RPL8: variants seen among roughly 807,000 people sequenced by gnomAD.
The protein encoded by RPL8 is large ribosomal subunit protein uL2.
For missense variants in RPL8, 248 were observed against 365.9 expected (o/e 0.68, Z 2.63); for synonymous variants, 182 against 143.2 (o/e 1.27, Z -1.94).
At chr8:144,791,562 C>T (rs982798013) in intron 2 of RPL8, 67 bp from the exon 3 acceptor site, 5 of 1,550,654 alleles carry the variant, frequency 3.2e-6, no homozygotes, top group African/African-American at 2.7e-5. Context: ...TCGCTCTAGG[C>T]AACCCGCGAA....
At chr8:144,790,287 G>A (rs1826455013) in intron 4 of RPL8, 68 bp downstream of exon 4, 23 of 1,326,266 alleles carry the variant, frequency 1.7e-5, no homozygotes, top group Non-Finnish European at 2.4e-5. Context: ...CTGTGGATGG[G>A]ACTTGCCTAC....
intron 2 of RPL8, 34 bp downstream of exon 2, chr8:144,791,739 C>CA: frequency 6.2e-7 from 1 of 1,612,334 alleles, no homozygotes; most frequent in Non-Finnish European, 8.5e-7. Flanking sequence ...GACCCCTCCC[C>CA]ACCCCGACCT....
chr8:144,792,196 G>A lies in RPL8; in HGVS notation c.-67C>T. ...GCGGCCCGGGTACCCCCGCCAGCCC[G>A]GCTTTCCGGGACCCCGCCCCCGAGG... On this transcript the variant is annotated 5_prime_UTR_variant, in exon 1 of 5. Coordinates refer to ENST00000528957, the MANE Select transcript of RPL8 (RefSeq NM_001317782.2). The A allele has an allele frequency of 7.1e-7, 1 of 1,416,668 alleles. No individual in the cohort carries two copies. The highest frequency in any genetic ancestry group is 9.1e-7 in the Non-Finnish European group (1 of 1,093,850). 87.8% of individuals were successfully genotyped at this position (1,416,668 alleles called of 1,614,324 possible).
chr8:144,790,261 C>A, intron 4 of RPL8, 94 bp downstream of exon 4: 1 of 1,055,548 alleles, frequency 9.5e-7, no homozygotes, highest in South Asian at 1.4e-5. Flanking sequence ...CGTAGATCCC[C>A]CTCCTGCAGG....
chr8:144,790,479 G>C lies in RPL8; in HGVS notation c.500-9C>G. 3 of 1,589,542 alleles carry C rather than the reference G, an allele frequency of 1.9e-6. No individual in the cohort carries two copies. The highest frequency in any genetic ancestry group is 1.1e-5 in the South Asian group (1 of 90,954). ...ACCTCCAGCCACCACACCTGTAGGG[G>C]ATCAGATACCTCAGGGAACCCCCAG... On this transcript the variant is annotated splice_polypyrimidine_tract_variant and intron_variant, in intron 3 of 4. Transcript: ENST00000528957.
chr8:144,791,541 T>A, intron 2 of RPL8, 46 bp from the exon 3 acceptor site: 1 of 1,590,550 alleles, frequency 6.3e-7, no homozygotes, highest in Middle Eastern at 1.7e-4. Context: ...TAAGAAACAA[T>A]GCGAACCCCC....
intron 3 of RPL8, 63 bp downstream of exon 3, chr8:144,791,214 C>G (rs1052925416): frequency 2.2e-5 from 34 of 1,511,628 alleles, no homozygotes; most frequent in Non-Finnish European, 3.0e-5. Context: ...CACTGGCTGT[C>G]CACCGGCACT....
chr8:144,790,160 G>A (rs1057305200), intron 4 of RPL8, among the ~76,000 whole-genome samples, 195 bp downstream of exon 4: 1 of 152,122 alleles, frequency 6.6e-6, no homozygotes, highest in Non-Finnish European at 1.5e-5. Flanking sequence ...GCGGAGAAAC[G>A]GTGAAGGAGG....
Position 144,792,182 on chromosome 8 carries a change from AC to A in RPL8, c.-54del, listed in dbSNP as rs1826559575. 2.8e-6 allele frequency: 4 copies of A among 1,406,456 alleles called. No individual in the cohort carries two copies. The highest frequency in any genetic ancestry group is 3.7e-6 in the Non-Finnish European group (4 of 1,087,758). 87.1% of individuals were successfully genotyped at this position (1,406,456 alleles called of 1,614,324 possible). A position where few individuals can be genotyped will look rare whatever the true frequency, so the allele number is the denominator to read the frequency against. The stretch of plus-strand genomic sequence containing the variant: ...ATTAGCGCGGCCGGGCGGCCCGGGT[AC>A]CCCCGCCAGCCCGGCTTTCCGGGAC... On this transcript the variant is annotated 5_prime_UTR_variant, in exon 1 of 5. The change abolishes the stop of an existing upstream ORF in the 5' untranslated region. Coordinates refer to ENST00000528957, the MANE Select transcript of RPL8 (RefSeq NM_001317782.2).
At position 144,791,441 on chromosome 8, in the gene RPL8, A is replaced by G. The variant is rs1826511359; in HGVS notation, c.335T>C (p.Ile112Thr). 1.2e-6 allele frequency: 2 copies of G among 1,613,898 alleles called. No homozygotes were observed. The highest frequency in any genetic ancestry group is 1.7e-5 in the Admixed American group (1 of 60,026). Residue 112 changes from isoleucine to threonine, a missense_variant, in exon 3 of 5, where the codon ATC (isoleucine) becomes ACC (threonine). By Grantham distance (89) the Ile-to-Thr change is moderately conservative (BLOSUM62 -1). Transcript: ENST00000528957. ...LPVGTMPEGT[I>T]VCCLEEKPGD... is the part of the protein sequence containing the mutation. ...AGGCTTCTCCTCCAGGCAGCACACG[A>G]TTGTACCCTCAGGCATGGTGCCCAC...
Position 144,789,817 on chromosome 8 carries a change from T to A in RPL8, c.761A>T (p.Glu254Val). 5 of 1,613,440 alleles carry A rather than the reference T, an allele frequency of 3.1e-6. No homozygotes were observed. Among genetic ancestry groups the A allele is most frequent in the Non-Finnish European group, 4.2e-6 (5 of 1,179,848 alleles). The part of the protein sequence containing the change: ...GRLRGTKTVQ[E>V]KEN ...AGGCCCTCAGCACTAGTTCTCTTTC[T>A]CCTGCACAGTCTTGGTTCCCCGGAG... The change falls in exon 5 of 5, where the codon GAG becomes GTG. Residue 254 changes from glutamate to valine, a missense_variant. By Grantham distance (121) the Glu-to-Val change is moderately radical (BLOSUM62 -2). Transcript: ENST00000528957.
chr8:144,790,990 A>G, intron 3 of RPL8: 1 of 504,912 alleles, frequency 2.0e-6, no homozygotes, highest in Non-Finnish European at 3.6e-6. Flanking sequence ...GCTGTTAACC[A>G]ACTGCATGCA....
At chr8:144,790,211 A>G (rs1826452144) in intron 4 of RPL8, 144 bp downstream of exon 4, 1 of 764,738 alleles carries the variant, frequency 1.3e-6, no homozygotes, top group Non-Finnish European at 2.2e-6. Context: ...CAGGATCAAC[A>G]GTCCCGTGAC....
rs754153553 is a variant in RPL8 at position 144,791,430 on chromosome 8, G to C, written c.346C>G (p.Leu116Val). 12 of 1,613,956 alleles carry C rather than the reference G, an allele frequency of 7.4e-6. No homozygotes were observed. In the Admixed American group the frequency reaches 2.0e-4, roughly 27 times the overall value. ...CCACGGTCTCCAGGCTTCTCCTCCA[G>C]GCAGCACACGATTGTACCCTCAGGC... is the stretch of plus-strand genomic sequence containing the variant. ...TMPEGTIVCCLEEKPGDRGKL... is the reference protein window; with the variant it reads ...TMPEGTIVCCVEEKPGDRGKL... The change falls in exon 3 of 5, where the codon CTG becomes GTG. Residue 116 changes from leucine to valine, a missense_variant. By Grantham distance (32) the Leu-to-Val change is conservative. Coordinates refer to ENST00000528957, the MANE Select transcript of RPL8 (RefSeq NM_001317782.2).
chr8:144,792,310 C>G lies in RPL8; in HGVS notation c.-181G>C, dbSNP rs180785306. 2 of 951,128 alleles carry G rather than the reference C, an allele frequency of 2.1e-6. No individual in the cohort carries two copies. Among genetic ancestry groups the G allele is most frequent in the Non-Finnish European group, 2.8e-6 (2 of 705,240 alleles). 58.9% of individuals were successfully genotyped at this position (951,128 alleles called of 1,614,324 possible). A position where few individuals can be genotyped will look rare whatever the true frequency, so the allele number is the denominator to read the frequency against. The stretch of plus-strand genomic sequence containing the variant: ...CCGGTCCGGGTCTCAGCGCGCCTCA[C>G]GGAAGAGGATGGCGGCGGATACTGC... On this transcript the variant is annotated 5_prime_UTR_variant, in exon 1 of 5. Transcript: ENST00000528957.
At chr8:144,790,268 C>T in intron 4 of RPL8, 87 bp downstream of exon 4, 1 of 1,119,602 alleles carries the variant, frequency 8.9e-7, no homozygotes, top group Non-Finnish European at 1.3e-6. Context: ...CCCCCTCCTG[C>T]AGGGACACCT....
In RPL8 at chr8:144,792,245, C is replaced by T. The variant is rs1327330473; in HGVS notation, c.-116G>A. The T allele has an allele frequency of 5.2e-6, 7 of 1,342,610 alleles. No homozygotes were observed. Among genetic ancestry groups the T allele is most frequent in the Admixed American group, 3.8e-5 (1 of 26,310 alleles). 83.2% of individuals were successfully genotyped at this position (1,342,610 alleles called of 1,614,324 possible). On this transcript the variant is annotated 5_prime_UTR_variant, in exon 1 of 5. Coordinates refer to ENST00000528957, the MANE Select transcript of RPL8 (RefSeq NM_001317782.2). Reference sequence around the variant, plus strand: ...GGCCGCCGCGCCCACCACTCCCTACCCTCTCCGCGGGCGCCCGCACCGGCA... The same window carrying T: ...GGCCGCCGCGCCCACCACTCCCTACTCTCTCCGCGGGCGCCCGCACCGGCA...
At position 144,792,348 on chromosome 8, in the gene RPL8, G is replaced by A. The variant is rs138875716; in HGVS notation, c.-219C>T. The A allele has an allele frequency of 5.4e-6, 4 of 734,812 alleles. No homozygotes were observed. Among genetic ancestry groups the A allele is most frequent in the African/African-American group, 1.9e-5 (1 of 53,782 alleles). 45.5% of individuals were successfully genotyped at this position (734,812 alleles called of 1,614,324 possible). A position where few individuals can be genotyped will look rare whatever the true frequency, so the allele number is the denominator to read the frequency against. ...CGGCGGATACTGCCCATGCCGCAAG[G>A]CCGCAAGGATGACCTACCTGTTCAC... On this transcript the variant is annotated 5_prime_UTR_variant, in exon 1 of 5. Transcript: ENST00000528957.
intron 4 of RPL8, 56 bp downstream of exon 4, chr8:144,790,299 C>T: frequency 1.4e-6 from 2 of 1,432,998 alleles, no homozygotes; most frequent in Non-Finnish European, 2.0e-6. Flanking sequence ...CTTGCCTACC[C>T]AACAGTGTGG....
Sources: gnomAD v4.1 joint callset for allele counts (sites outside exome capture counted in the v4.1 genomes callset) on GRCh38, gnomAD v4.1.1 for gene constraint, MANE v1.5 for transcripts, NCBI Gene and HGNC (gene_info 2026-07-23, HGNC 2026-07-21) for gene names.